Variants in ZCCHC7 observed in about 807,000 individuals in gnomAD.
The protein encoded by ZCCHC7 is zinc finger CCHC-type containing 7, also known as zinc finger CCHC domain-containing protein 7.
ZCCHC7 carries 35 observed loss-of-function variants against 52.0 expected under a neutral mutation model. The ratio of observed to expected loss-of-function variants is 0.67; its 90% CI spans 0.51 to 0.89. The LOEUF (loss-of-function observed/expected upper bound fraction) is 0.89, where lower values mean the gene tolerates loss of function less well. Among genes scored for constraint, ZCCHC7 ranks in the 40% least tolerant of loss-of-function variants. ZCCHC7 has a pLI of 0.00. For synonymous variants in ZCCHC7, 217 were observed against 221.5 expected (o/e 0.98, Z 0.18); for missense variants, 574 against 649.1 (o/e 0.88, Z 1.26).
chr9:37,270,811 A>AAC (rs1394344054), intron 2 of ZCCHC7, among the ~76,000 whole-genome samples: 1 of 151,518 alleles, frequency 6.6e-6, no homozygotes, highest in African/African-American at 2.4e-5. Context: ...CAATAATAAA[A>AAC]AAAAAAAATA....
intron 2 of ZCCHC7, among the ~76,000 whole-genome samples, chr9:37,193,065 T>C (rs1455654824): frequency 6.6e-6 from 1 of 152,204 alleles, no homozygotes; most frequent in Non-Finnish European, 1.5e-5. Flanking sequence ...TAACCTCAAA[T>C]AGAAATGAAA....
At chr9:37,226,804 G>A (rs1825128977) in intron 2 of ZCCHC7, among the ~76,000 whole-genome samples, 1 of 152,154 alleles carries the variant, frequency 6.6e-6, no homozygotes, top group South Asian at 2.1e-4. Flanking sequence ...ACCGAGGCGG[G>A]TGGATCACGA....
chr9:37,260,771 C>T (rs1207280305), intron 2 of ZCCHC7, among the ~76,000 whole-genome samples: 4 of 152,154 alleles, frequency 2.6e-5, no homozygotes, highest in African/African-American at 9.7e-5. Flanking sequence ...AGACTTGATA[C>T]TCCTCTAGGA....
At chr9:37,159,497 G>A (rs548567716) in intron 2 of ZCCHC7, among the ~76,000 whole-genome samples, 1 of 152,322 alleles carries the variant, frequency 6.6e-6, no homozygotes, top group Admixed American at 6.5e-5. Flanking sequence ...CAAAGTGGTA[G>A]AAGCAGAGAG....
chr9:37,190,332 A>T (rs904830913), intron 2 of ZCCHC7, among the ~76,000 whole-genome samples: 1 of 151,722 alleles, frequency 6.6e-6, no homozygotes, highest in Non-Finnish European at 1.5e-5. Flanking sequence ...TCTAAGTATT[A>T]GGAGATTCTG....
intron 6 of ZCCHC7, among the ~76,000 whole-genome samples, chr9:37,343,743 C>T (rs1314860151): frequency 1.3e-5 from 2 of 152,068 alleles, no homozygotes; most frequent in African/African-American, 4.8e-5. Context: ...ACTCATTCAC[C>T]ACCTATTTGT....
chr9:37,327,507 A>C (rs1830295677), intron 5 of ZCCHC7: 1 of 336,220 alleles, frequency 3.0e-6, no homozygotes, highest in African/African-American at 2.1e-5. Flanking sequence ...TTATCAGTTT[A>C]ACTGAGTTAT....
At chr9:37,303,340 G>A (rs990525485) in intron 3 of ZCCHC7, among the ~76,000 whole-genome samples, 5 of 151,580 alleles carry the variant, frequency 3.3e-5, no homozygotes, top group Non-Finnish European at 5.9e-5. Flanking sequence ...CAGGAGAATC[G>A]CTTGAACCCA....
At chr9:37,183,237 C>G (rs754859834) in intron 2 of ZCCHC7, among the ~76,000 whole-genome samples, 1 of 152,120 alleles carries the variant, frequency 6.6e-6, no homozygotes, top group Non-Finnish European at 1.5e-5. Context: ...CATAACAGTA[C>G]ATTGTATACC....
At chr9:37,340,211 T>C (rs1353404980) in intron 6 of ZCCHC7, among the ~76,000 whole-genome samples, 3 of 152,140 alleles carry the variant, frequency 2.0e-5, no homozygotes, top group Non-Finnish European at 4.4e-5. Flanking sequence ...AGTAAATCCG[T>C]GGCGTGGTAG....
chr9:37,279,541 A>G (rs1056300551), intron 2 of ZCCHC7, among the ~76,000 whole-genome samples: 1 of 152,122 alleles, frequency 6.6e-6, no homozygotes, highest in African/African-American at 2.4e-5. Flanking sequence ...GCAGTAATTG[A>G]AAGATCTAAA....
intron 7 of ZCCHC7, among the ~76,000 whole-genome samples, chr9:37,350,403 G>T (rs1026272119): frequency 6.6e-6 from 1 of 152,028 alleles, no homozygotes; most frequent in Non-Finnish European, 1.5e-5. Context: ...AAGTGTTGGG[G>T]TTACAGGCGT....
chr9:37,155,420 A>G (rs1200897677), intron 2 of ZCCHC7, among the ~76,000 whole-genome samples: 1 of 152,152 alleles, frequency 6.6e-6, no homozygotes, highest in Non-Finnish European at 1.5e-5. Flanking sequence ...CAAGTCAACC[A>G]AATTGATATT....
chr9:37,345,801 A>G (rs77482495), intron 6 of ZCCHC7, among the ~76,000 whole-genome samples: 7,839 of 152,164 alleles, frequency 0.052, 655 homozygotes, highest in African/African-American at 0.18. Context: ...AGAATATAAA[A>G]CGGTTGTTAT....
intron 2 of ZCCHC7, among the ~76,000 whole-genome samples, chr9:37,163,409 A>G (rs942450863): frequency 6.6e-6 from 1 of 151,666 alleles, no homozygotes; most frequent in Non-Finnish European, 1.5e-5. Flanking sequence ...AAAAAAGAAA[A>G]GAAAAAAATA....
chr9:37,149,243 A>T (rs908620429), intron 2 of ZCCHC7, among the ~76,000 whole-genome samples: 26 of 152,202 alleles, frequency 1.7e-4, no homozygotes, highest in Admixed American at 1.5e-3. Context: ...GGAGAAACTC[A>T]TAAGGAATAA....
chr9:37,221,709 CAAAG>C (rs1364288040), intron 2 of ZCCHC7, among the ~76,000 whole-genome samples: 2 of 151,418 alleles, frequency 1.3e-5, no homozygotes, highest in African/African-American at 4.9e-5. Context: ...AAGAAAAAGT[CAAAG>C]AAAAAAATGA....
intron 2 of ZCCHC7, among the ~76,000 whole-genome samples, chr9:37,301,396 A>C (rs1212132058): frequency 6.6e-6 from 1 of 152,118 alleles, no homozygotes; most frequent in Admixed American, 6.6e-5. Flanking sequence ...CAGGAGTTTG[A>C]GACCAGCCTG....
chr9:37,127,315 C>G (rs1048507152), intron 2 of ZCCHC7, among the ~76,000 whole-genome samples: 1 of 152,138 alleles, frequency 6.6e-6, no homozygotes. Flanking sequence ...ATTCAGCCAA[C>G]TCTGTTGGGA....
Sources: gnomAD v4.1 joint callset for allele counts (sites outside exome capture counted in the v4.1 genomes callset) on GRCh38, gnomAD v4.1.1 for gene constraint, MANE v1.5 for transcripts, NCBI Gene and HGNC (gene_info 2026-07-23, HGNC 2026-07-21) for gene names.